TMEM114: variants seen among roughly 807,000 people sequenced by gnomAD.
TMEM114 encodes the protein claudin-26.
TMEM114 carries 6 observed loss-of-function variants against 6.2 expected under a neutral mutation model. The ratio of observed to expected loss-of-function variants is 0.97; its 90% CI spans 0.53 to 1.91. TMEM114 has a LOEUF of 1.91. Among genes scored for constraint, TMEM114 ranks in the 40% most tolerant of loss-of-function variants. The pLI, the probability that TMEM114 is intolerant of heterozygous loss-of-function variation, is 0.01. For missense variants in TMEM114, 218 were observed against 158.3 expected, an observed-to-expected ratio of 1.38 and a Z score of -2.02; for synonymous variants, 104 against 73.0, an observed-to-expected ratio of 1.42 and a Z score of -2.16.
chr16:8,568,074 T>G (rs149384565), downstream of TMEM114, among the ~76,000 whole-genome samples: 18 of 152,186 alleles, frequency 1.2e-4, no homozygotes, highest in African/African-American at 4.1e-4. Context: ...CAGGCAGTTC[T>G]GAAGTTTACT....
chr16:8,544,924 C>CTCTCTCTG (rs1388028363), intron 2 of TMEM114, among the ~76,000 whole-genome samples: 2 of 151,242 alleles, frequency 1.3e-5, no homozygotes, highest in South Asian at 2.1e-4. Flanking sequence ...ACATCTTTCT[C>CTCTCTCTG]TCTCTCTCTC....
chr16:8,550,054 A>C (rs540924023), intron 2 of TMEM114, among the ~76,000 whole-genome samples: 5 of 152,328 alleles, frequency 3.3e-5, no homozygotes, highest in Non-Finnish European at 7.4e-5. Context: ...CCAAAAGCCA[A>C]AGAACTTGGA....
downstream of TMEM114, among the ~76,000 whole-genome samples, chr16:8,533,821 G>C (rs550428988): frequency 6.6e-6 from 1 of 152,316 alleles, no homozygotes; most frequent in South Asian, 2.1e-4. Context: ...TCTCAGATGG[G>C]TTTCCTGTGA....
At chr16:8,571,417 ATAC>A (rs761041277) in intron 3 of TMEM114, among the ~76,000 whole-genome samples, 20 of 152,322 alleles carry the variant, frequency 1.3e-4, no homozygotes, top group South Asian at 1.0e-3. Flanking sequence ...ACGGCCTCAC[ATAC>A]TTAGCATTTC....
chr16:8,563,699 T>TAGTGAATGAGTGAGTG (rs1281827189), intron 2 of TMEM114, among the ~76,000 whole-genome samples: 18,088 of 135,804 alleles, frequency 0.13, 1,400 homozygotes, highest in Middle Eastern at 0.24. Flanking sequence ...ATGAGTGAGT[T>TAGTGAATGAGTGAGTG]AGTGAATGAG....
intron 2 of TMEM114, among the ~76,000 whole-genome samples, chr16:8,548,913 T>C (rs888249554): frequency 3.9e-5 from 6 of 152,104 alleles, no homozygotes; most frequent in African/African-American, 1.4e-4. Context: ...CCAGGCGCAG[T>C]GGCTCATGCC....
At chr16:8,562,276 ATGAGTGAGTGAGTGAG>A (rs144073898) in intron 2 of TMEM114, among the ~76,000 whole-genome samples, 1 of 129,804 alleles carries the variant, frequency 7.7e-6, no homozygotes, top group African/African-American at 2.9e-5. Flanking sequence ...GAGGGAGGGA[ATGAGTGAGTGAGTGAG>A]TGAATGAGTG....
At chr16:8,539,170 G>A (rs1164682905) in intron 2 of TMEM114, among the ~76,000 whole-genome samples, 1 of 152,082 alleles carries the variant, frequency 6.6e-6, no homozygotes, top group Non-Finnish European at 1.5e-5. Flanking sequence ...TATGAATAAC[G>A]TCTGCCTGGT....
the TMEM114 span, among the ~76,000 whole-genome samples, chr16:8,529,059 G>A: frequency 1.3e-5 from 2 of 152,210 alleles, no homozygotes; most frequent in Admixed American, 1.3e-4. Context: ...TCAGAAGAGG[G>A]CTTTAGAGAA....
chr16:8,588,023 C>A (rs1596316169), intron 2 of TMEM114, among the ~76,000 whole-genome samples: 1 of 152,066 alleles, frequency 6.6e-6, no homozygotes, highest in South Asian at 2.1e-4. Flanking sequence ...CAGTGGCTCA[C>A]ACCTGTAATC....
intron 2 of TMEM114, among the ~76,000 whole-genome samples, chr16:8,545,025 G>A (rs1232966898): frequency 6.6e-6 from 1 of 151,818 alleles, no homozygotes; most frequent in Admixed American, 6.6e-5. Flanking sequence ...TTCCAGTGTG[G>A]TTATAAGTTG....
chr16:8,539,254 G>A (rs897762237), intron 2 of TMEM114, among the ~76,000 whole-genome samples: 2 of 152,026 alleles, frequency 1.3e-5, no homozygotes, highest in East Asian at 3.9e-4. Context: ...ATATAATCTT[G>A]AATTCCAGGA....
chr16:8,534,603 A>G (rs1900303204), downstream of TMEM114, among the ~76,000 whole-genome samples: 1 of 152,184 alleles, frequency 6.6e-6, no homozygotes, highest in African/African-American at 2.4e-5. Flanking sequence ...AGATGGGATA[A>G]CACACACAAG....
At chr16:8,538,510 T>C (rs1900426754) in intron 2 of TMEM114, among the ~76,000 whole-genome samples, 1 of 140,668 alleles carries the variant, frequency 7.1e-6, no homozygotes, top group Non-Finnish European at 1.5e-5. Flanking sequence ...TGTTTGTTTG[T>C]TTTTTGTTTT....
At chr16:8,539,146 G>A (rs2141647012) in intron 2 of TMEM114, among the ~76,000 whole-genome samples, 1 of 152,184 alleles carries the variant, frequency 6.6e-6, no homozygotes, top group East Asian at 1.9e-4. Context: ...CATTGCCATG[G>A]AACATGTGAC....
intron 2 of TMEM114, chr16:8,537,867 A>T (rs1900405132): frequency 1.3e-5 from 2 of 152,190 alleles, no homozygotes; most frequent in African/African-American, 4.8e-5. Context: ...TACTGATATG[A>T]ACCACCTCCA....
intron 2 of TMEM114, among the ~76,000 whole-genome samples, chr16:8,560,618 C>A (rs916186350): frequency 6.6e-6 from 1 of 152,150 alleles, no homozygotes; most frequent in Non-Finnish European, 1.5e-5. Context: ...GAGTTCGAGT[C>A]TCACCCTGGT....
chr16:8,548,324 A>C (rs1040930651), intron 2 of TMEM114, among the ~76,000 whole-genome samples: 1 of 151,798 alleles, frequency 6.6e-6, no homozygotes, highest in Non-Finnish European at 1.5e-5. Context: ...CCCATAGCAA[A>C]CTCTGGCAAT....
downstream of TMEM114, among the ~76,000 whole-genome samples, chr16:8,564,525 G>C (rs1409649821): frequency 9.5e-5 from 5 of 52,750 alleles, 1 homozygote; most frequent in African/African-American, 2.2e-4. Flanking sequence ...GAGTGACGGA[G>C]GGAGGGAATG....
Sources: allele counts gnomAD v4.1 joint callset (sites outside exome capture counted in the v4.1 genomes callset), GRCh38; gene constraint gnomAD v4.1.1; transcripts MANE v1.5; gene names NCBI Gene and HGNC (gene_info 2026-07-23, HGNC 2026-07-21).